Variants in SMAP2 observed in about 807,000 individuals in gnomAD.
SMAP2 encodes the protein stromal membrane-associated protein 2.
SMAP2 carries 25 observed loss-of-function variants against 56.4 expected under a neutral mutation model. The observed-to-expected ratio is 0.44, with a 90% confidence interval of 0.32 to 0.62. SMAP2 has a LOEUF of 0.62. SMAP2 is among the 20% of genes least tolerant of loss of function. SMAP2 has a pLI of 0.04. For missense variants in SMAP2, 388 were observed against 545.6 expected (o/e 0.71, Z 2.88); for synonymous variants, 157 against 181.7 (o/e 0.86, Z 1.09).
intron 1 of SMAP2, among the ~76,000 whole-genome samples, chr1:40,360,456 C>T (rs1490324141): frequency 1.3e-5 from 2 of 152,034 alleles, no homozygotes; most frequent in Non-Finnish European, 2.9e-5. Flanking sequence ...GTACCCACTA[C>T]CACGCCTGGC....
In SMAP2 at chr1:40,396,459, C is replaced by G. The variant is rs369093955; in HGVS notation, c.104-10277C>G. On this transcript the variant is annotated intron_variant, in intron 1 of 9. Coordinates refer to ENST00000372718, the MANE Select transcript of SMAP2 (RefSeq NM_022733.3). ...TTGGTGTAGGATTTACCTTTATTCT[C>G]TAACCAGTCTCAGACATGTTTTAAT... 4.1e-4 allele frequency among the ~76,000 whole-genome samples: 62 copies of G among 152,308 alleles called. 1 individual carries two copies. The South Asian group carries it at 0.013, about 32-fold the overall frequency.
chr1:40,374,844 A>G lies in SMAP2; in HGVS notation c.103+621A>G. The G allele has an allele frequency of 1.3e-6, 2 of 1,537,398 alleles. No homozygotes were observed. On this transcript the variant is annotated intron_variant, in intron 1 of 9. Transcript: ENST00000372718. This position sits in a 1 kb window ranked among gnomAD's most constrained non-coding sequence, Gnocchi z 5.9. ...GGGAAACTGCCTTATGCAGTGACAC[A>G]GTGCGGATTTCTAGGCAGTGTAGCC...
chr1:40,413,173 A>G, intron 5 of SMAP2, 71 bp downstream of exon 5: 4 of 1,221,200 alleles, frequency 3.3e-6, no homozygotes. Flanking sequence ...GGAAAGTAGG[A>G]GGTCTCGTGG....
chr1:40,387,891 T>A (rs1244378556), intron 1 of SMAP2, among the ~76,000 whole-genome samples: 1 of 151,140 alleles, frequency 6.6e-6, no homozygotes, highest in Non-Finnish European at 1.5e-5. Flanking sequence ...GTGCCGCACT[T>A]GTGGGCCAGC....
intron 2 of SMAP2, 108 bp downstream of exon 2, chr1:40,406,977 G>A: frequency 2.5e-6 from 3 of 1,197,814 alleles, no homozygotes; most frequent in Non-Finnish European, 2.3e-6. Context: ...GGAAAATTTA[G>A]TTGTTAAACA....
chr1:40,385,874 A>AT lies in SMAP2; in HGVS notation c.103+11652dup, dbSNP rs147472759. On this transcript the variant is annotated intron_variant, in intron 1 of 9. Coordinates refer to ENST00000372718, the MANE Select transcript of SMAP2 (RefSeq NM_022733.3). This position sits in a 1 kb window ranked among gnomAD's most constrained non-coding sequence, Gnocchi z 4.5. Reference sequence around the variant, plus strand: ...TTCTTGTCTAACTGGAAGTCCCCAAATGTGTGGATTTAGAAATGAGTTCTC... The same window carrying AT: ...TTCTTGTCTAACTGGAAGTCCCCAAATTGTGTGGATTTAGAAATGAGTTCTC... Among the ~76,000 whole-genome samples, 2,793 of 152,280 alleles carry AT rather than the reference A, an allele frequency of 0.018. 73 individuals carry two copies. Among genetic ancestry groups the AT allele is most frequent in the East Asian group, 0.087 (451 of 5,186 alleles).
chr1:40,351,862 T>C (rs552299109), intron 1 of SMAP2, among the ~76,000 whole-genome samples: 2 of 152,160 alleles, frequency 1.3e-5, no homozygotes, highest in South Asian at 2.1e-4. Flanking sequence ...GGTCTCGAAC[T>C]CTTGGCCTCA....
intron 1 of SMAP2, among the ~76,000 whole-genome samples, chr1:40,391,371 G>A (rs1005234272): frequency 2.0e-5 from 3 of 152,182 alleles, no homozygotes; most frequent in South Asian, 2.1e-4. Flanking sequence ...GTTTTCAAAT[G>A]TTGAGTCCAC....
chr1:40,406,986 C>A, intron 2 of SMAP2, 117 bp downstream of exon 2: 4 of 1,050,384 alleles, frequency 3.8e-6, no homozygotes, highest in African/African-American at 1.6e-5. Context: ...AGTTGTTAAA[C>A]ACTTAACATC....
chr1:40,392,474 C>G (rs1644726114), intron 1 of SMAP2, among the ~76,000 whole-genome samples: 1 of 152,180 alleles, frequency 6.6e-6, no homozygotes, highest in African/African-American at 2.4e-5. Flanking sequence ...CTGAGATAGT[C>G]TCACTGTTTG....
At chr1:40,380,529 C>CTTTTTTTTTTT (rs370625950) in intron 1 of SMAP2, among the ~76,000 whole-genome samples, 3 of 142,878 alleles carry the variant, frequency 2.1e-5, no homozygotes, top group Admixed American at 7.1e-5. Flanking sequence ...ATCTGTGGCA[C>CTTTTTTTTTTT]TTTTTTTTTT....
At chr1:40,405,102 TAC>T (rs66499322) in intron 1 of SMAP2, among the ~76,000 whole-genome samples, 31,623 of 152,146 alleles carry the variant, frequency 0.21, 3,499 homozygotes, top group Admixed American at 0.31. Context: ...GTCAAAAAAT[TAC>T]ATTCTTATTT....
intron 1 of SMAP2, among the ~76,000 whole-genome samples, chr1:40,354,234 G>A (rs1221488719): frequency 2.0e-5 from 3 of 152,148 alleles, no homozygotes; most frequent in Non-Finnish European, 4.4e-5. Context: ...TCATCCAAGG[G>A]TGACTTCAAA....
At chr1:40,373,686 A>C, upstream of SMAP2, 1 of 163,022 alleles carries the variant, frequency 6.1e-6, no homozygotes, top group Non-Finnish European at 1.3e-5. Context: ...CGAGCTGGGC[A>C]GGGTGGAGGT....
intron 1 of SMAP2, among the ~76,000 whole-genome samples, chr1:40,377,053 A>C (rs756202199): frequency 6.6e-6 from 1 of 152,184 alleles, no homozygotes; most frequent in Non-Finnish European, 1.5e-5. Context: ...TGAGAGGCCA[A>C]GGAGGGAGGA....
chr1:40,417,364 A>G lies in SMAP2; in HGVS notation c.1164+268A>G, dbSNP rs1017461906. ...TTCTCAAAAGCAAAAACAAACACAC[A>G]AAGAAACCCTGTACAAACAATGAAT... On this transcript the variant is annotated intron_variant, in intron 9 of 9. Transcript: ENST00000372718. Among the ~76,000 whole-genome samples, 14 of 152,222 alleles carry G rather than the reference A, an allele frequency of 9.2e-5. 1 individual carries two copies. The highest frequency in any genetic ancestry group is 5.8e-4 in the East Asian group (3 of 5,170).
intron 1 of SMAP2, among the ~76,000 whole-genome samples, chr1:40,389,728 G>T (rs1388766552): frequency 6.6e-6 from 1 of 152,236 alleles, no homozygotes; most frequent in African/African-American, 2.4e-5. Flanking sequence ...GAAACAGGAG[G>T]CTGAAATAGC....
intron 1 of SMAP2, among the ~76,000 whole-genome samples, chr1:40,359,463 C>T (rs1644450387): frequency 6.6e-6 from 1 of 152,124 alleles, no homozygotes; most frequent in African/African-American, 2.4e-5. Context: ...TTTTTTCATC[C>T]ATTCAGCCAC....
chr1:40,422,390 T>C lies in SMAP2; in HGVS notation c.*289T>C. 5.4e-6 allele frequency: 2 copies of C among 369,862 alleles called. No individual in the cohort carries two copies. Among genetic ancestry groups the C allele is most frequent in the East Asian group, 1.1e-4 (2 of 17,702 alleles). 22.9% of individuals were successfully genotyped at this position (369,862 alleles called of 1,614,324 possible). ...GAAGGCACTTAAACTGTGGGAGAAGTGTGCACACCTTTGAGTCCCTTCCCT... is the reference window on the plus strand; with the variant it reads ...GAAGGCACTTAAACTGTGGGAGAAGCGTGCACACCTTTGAGTCCCTTCCCT... On this transcript the variant is annotated 3_prime_UTR_variant, in exon 10 of 10. Coordinates refer to ENST00000372718, the MANE Select transcript of SMAP2 (RefSeq NM_022733.3).
Sources: allele counts gnomAD v4.1 joint callset (sites outside exome capture counted in the v4.1 genomes callset), GRCh38; gene constraint gnomAD v4.1.1; non-coding constraint Gnocchi (gnomAD v3.1); transcripts MANE v1.5; gene names NCBI Gene and HGNC (gene_info 2026-07-23, HGNC 2026-07-21).